EFTUD2: variants seen among roughly 807,000 people sequenced by gnomAD.
EFTUD2 encodes the protein 116 kDa U5 small nuclear ribonucleoprotein component.
A neutral mutation model predicts 114.3 loss-of-function variants in EFTUD2; 9 were observed. That is an observed-to-expected ratio of 0.08 (90% CI 0.05 to 0.14). The LOEUF (loss-of-function observed/expected upper bound fraction) is 0.14, where lower values mean the gene tolerates loss of function less well. EFTUD2 is among the 10% of genes least tolerant of loss of function. The pLI, the probability that EFTUD2 is intolerant of heterozygous loss-of-function variation, is 1.00. For synonymous variants in EFTUD2, 449 were observed against 462.3 expected, an observed-to-expected ratio of 0.97 and a Z score of 0.37; for missense variants, 765 against 1,241.2, an observed-to-expected ratio of 0.62 and a Z score of 5.76.
chr17:44,867,122 A>G (rs2050760067), intron 13 of EFTUD2, among the ~76,000 whole-genome samples: 3 of 152,096 alleles, frequency 2.0e-5, no homozygotes, highest in Admixed American at 2.0e-4. Flanking sequence ...ATGCTATAAT[A>G]AACACTTTGA....
chr17:44,870,846 C>T (rs2050837903), intron 11 of EFTUD2, among the ~76,000 whole-genome samples: 2 of 151,934 alleles, frequency 1.3e-5, no homozygotes, highest in South Asian at 2.1e-4. Context: ...GGTGAAACCC[C>T]ATCTCTACTA....
intron 11 of EFTUD2, 112 bp from the exon 12 acceptor site, chr17:44,868,462 G>C: frequency 2.0e-6 from 2 of 989,690 alleles, no homozygotes; most frequent in Non-Finnish European, 1.5e-6. Flanking sequence ...TTCCTTTCCA[G>C]GGTCCAGGCA....
chr17:44,882,599 T>C (rs1335978543), intron 6 of EFTUD2, among the ~76,000 whole-genome samples: 2 of 152,182 alleles, frequency 1.3e-5, no homozygotes, highest in Admixed American at 1.3e-4. Context: ...TGAGAGATAA[T>C]TTATATCAAA....
intron 20 of EFTUD2, among the ~76,000 whole-genome samples, chr17:44,856,670 A>C (rs2050560138): frequency 6.6e-6 from 1 of 152,106 alleles, no homozygotes; most frequent in South Asian, 2.1e-4. Flanking sequence ...TAAAAAAATT[A>C]ACAGATGGCC....
rs781581201 is a variant in EFTUD2, at chr17:44,850,628, A to T, written c.*646T>A. On this transcript the variant is annotated 3_prime_UTR_variant, in exon 28 of 28. Transcript: ENST00000426333. ...TAGGGGAGGCAGCAGTTTCCTGAGG[A>T]GGTGGTGGGGTAGACTTCTGATCGC... The T allele has an allele frequency of 5.2e-5, 24 of 461,700 alleles. 1 individual carries two copies. Among genetic ancestry groups the T allele is most frequent in the Non-Finnish European group, 9.1e-5 (23 of 252,110 alleles). The allele number at this position is 461,700 out of a possible 1,614,324, so 28.6% of individuals were successfully genotyped here. A position where few individuals can be genotyped will look rare whatever the true frequency, so the allele number is the denominator to read the frequency against.
intron 11 of EFTUD2, among the ~76,000 whole-genome samples, chr17:44,871,776 G>A (rs962630525): frequency 6.6e-6 from 1 of 152,160 alleles, no homozygotes; most frequent in Admixed American, 6.5e-5. Flanking sequence ...GACATCTCAC[G>A]GAGCCTGTCT....
In EFTUD2 at chr17:44,859,184, G is replaced by A; in HGVS notation, c.1861-3C>T. The A allele has an allele frequency of 1.2e-6, 2 of 1,607,722 alleles. No homozygotes were observed. The highest frequency in any genetic ancestry group is 1.7e-6 in the Non-Finnish European group (2 of 1,174,172). On this transcript the variant is annotated splice_polypyrimidine_tract_variant and splice_region_variant and intron_variant, in intron 18 of 27. Transcript: ENST00000426333. ...ACATGCTCGCCAGACTCCTCCACCT[G>A]AAACACAACAGGCAGTCACAGCCTG...
intron 15 of EFTUD2, chr17:44,863,392 T>C (rs2050691659): frequency 5.4e-6 from 2 of 371,694 alleles, no homozygotes; most frequent in Admixed American, 8.7e-5. Context: ...CTTAATCTTA[T>C]TTAAATCTCA....
chr17:44,886,727 ATCG>A lies in EFTUD2; in HGVS notation c.126_128del (p.Asp44del), dbSNP rs761769793. ...GGTCATCGTCATGATCTCCTACGTC[ATCG>A]TCGTCGTCATCATCATCCATCTGAA... On this transcript the variant is annotated inframe_deletion, in exon 3 of 28. Transcript: ENST00000426333. The A allele has an allele frequency of 2.5e-6, 4 of 1,613,788 alleles. No individual in the cohort carries two copies. In the African/African-American group the frequency reaches 5.3e-5, roughly 22 times the overall value.
At chr17:44,853,444 T>C in intron 24 of EFTUD2, 54 bp from the exon 25 acceptor site, 1 of 1,612,294 alleles carries the variant, frequency 6.2e-7, no homozygotes, top group Non-Finnish European at 8.5e-7. Context: ...TGGGGGCCTA[T>C]AGTCCCACTT....
intron 16 of EFTUD2, among the ~76,000 whole-genome samples, chr17:44,862,424 G>A (rs2050674625): frequency 6.6e-6 from 1 of 152,062 alleles, no homozygotes; most frequent in African/African-American, 2.4e-5. Context: ...GACAGAGTGA[G>A]ACCCTGTCTC....
At chr17:44,897,799 A>AG (rs1246593386) in intron 1 of EFTUD2, among the ~76,000 whole-genome samples, 3 of 152,194 alleles carry the variant, frequency 2.0e-5, no homozygotes, top group Admixed American at 2.0e-4. Flanking sequence ...TCTTGACCTC[A>AG]GGTGATTAGC....
At chr17:44,888,415 ACT>A (rs1443710187) in intron 2 of EFTUD2, among the ~76,000 whole-genome samples, 2 of 151,994 alleles carry the variant, frequency 1.3e-5, no homozygotes, top group Non-Finnish European at 2.9e-5. Context: ...AGATGAAGAA[ACT>A]CTGCACCAGG....
At chr17:44,866,116 T>C (rs567300127) in intron 13 of EFTUD2, among the ~76,000 whole-genome samples, 2 of 152,382 alleles carry the variant, frequency 1.3e-5, no homozygotes, top group Admixed American at 6.5e-5. Context: ...GGCCACGTTA[T>C]ATTCTTTGCT....
chr17:44,878,893 GA>G (rs1257486572), intron 9 of EFTUD2, among the ~76,000 whole-genome samples: 2 of 152,176 alleles, frequency 1.3e-5, no homozygotes, highest in Non-Finnish European at 2.9e-5. Context: ...GAGGAATACA[GA>G]AGACACCCTG....
chr17:44,850,464 G>C lies in EFTUD2; in HGVS notation c.*810C>G, dbSNP rs572488464. On this transcript the variant is annotated 3_prime_UTR_variant, in exon 28 of 28. Coordinates refer to ENST00000426333, the MANE Select transcript of EFTUD2 (RefSeq NM_004247.4). ...TCCCTGGTACATTCCTAATAAAGCA[G>C]TTTTGAGGAAAATCAACAGACTCTT... The C allele has an allele frequency of 2.9e-5, 35 of 1,209,620 alleles. No homozygotes were observed. In the African/African-American group the frequency reaches 3.9e-4, roughly 13 times the overall value. 74.9% of individuals were successfully genotyped at this position (1,209,620 alleles called of 1,614,324 possible). A position where few individuals can be genotyped will look rare whatever the true frequency, so the allele number is the denominator to read the frequency against.
intron 14 of EFTUD2, 45 bp downstream of exon 14, chr17:44,864,885 G>A (rs2050717817): frequency 3.8e-6 from 6 of 1,595,066 alleles, no homozygotes; most frequent in Non-Finnish European, 5.1e-6. Flanking sequence ...ACCTGTGGCA[G>A]GGCACGAGGA....
Position 44,867,791 on chromosome 17 carries a change from G to T in EFTUD2, c.1149+16C>A. On this transcript the variant is annotated intron_variant, in intron 13 of 27. Transcript: ENST00000426333. The stretch of plus-strand genomic sequence containing the variant: ...TTATAAGAGCAGATCTGCCCAGTGT[G>T]ACCTGACACACTCACCTGGGCGAGG... The T allele has an allele frequency of 6.4e-7, 1 of 1,561,514 alleles. No homozygotes were observed. Among genetic ancestry groups the T allele is most frequent in the Non-Finnish European group, 8.7e-7 (1 of 1,152,046 alleles).
intron 11 of EFTUD2, among the ~76,000 whole-genome samples, chr17:44,870,961 T>C (rs1597805924): frequency 6.6e-6 from 1 of 151,762 alleles, no homozygotes. Context: ...GAGGTTGCAG[T>C]GAGCCGAGAT....
Sources: gnomAD v4.1 joint callset for allele counts (sites outside exome capture counted in the v4.1 genomes callset) on GRCh38, gnomAD v4.1.1 for gene constraint, MANE v1.5 for transcripts, NCBI Gene and HGNC (gene_info 2026-07-23, HGNC 2026-07-21) for gene names.